The following RSU1 variants were observed in gnomAD, a reference collection of about 807,000 sequenced individuals.
RSU1 encodes the protein Ras suppressor protein 1.
In RSU1, 26 loss-of-function variants were observed where a neutral mutation model predicts 31.1. The ratio of observed to expected loss-of-function variants is 0.84; its 90% CI spans 0.61 to 1.16. The LOEUF (loss-of-function observed/expected upper bound fraction) is 1.16, where lower values mean the gene tolerates loss of function less well. RSU1 is among the 50% of genes most tolerant of loss of function. The pLI is 0.00. For synonymous variants in RSU1, 164 were observed against 136.3 expected (o/e 1.20, Z -1.41); for missense variants, 320 against 339.1 (o/e 0.94, Z 0.44).
intron 8 of RSU1, among the ~76,000 whole-genome samples, chr10:16,669,759 C>G (rs1315869269): frequency 6.6e-6 from 1 of 152,172 alleles, no homozygotes; most frequent in Non-Finnish European, 1.5e-5. Context: ...GACATGATCT[C>G]ATTCCTATAT....
chr10:16,779,798 T>C (rs1837612232), intron 3 of RSU1, among the ~76,000 whole-genome samples: 1 of 152,200 alleles, frequency 6.6e-6, no homozygotes, highest in African/African-American at 2.4e-5. Flanking sequence ...AATGGACATA[T>C]TTACTATAAA....
intron 8 of RSU1, among the ~76,000 whole-genome samples, chr10:16,635,511 C>T (rs1834330711): frequency 6.6e-6 from 1 of 152,212 alleles, no homozygotes; most frequent in Non-Finnish European, 1.5e-5. Flanking sequence ...ATACATTCTG[C>T]CTTTTCCCCT....
In RSU1 at chr10:16,594,943, C is replaced by A. The variant is rs545423296; in HGVS notation, c.732-1447G>T. ...GGGCTTACAGGCATGCACCACCATG[C>A]CCAGCTAATTTCATATTTTTAGTAG... On this transcript the variant is annotated intron_variant, in intron 8 of 8. Transcript: ENST00000345264. Among the ~76,000 whole-genome samples, 102 of 151,806 alleles carry A rather than the reference C, an allele frequency of 6.7e-4. 2 individuals are homozygous for A. The South Asian group carries it at 0.021, about 32-fold the overall frequency.
intron 7 of RSU1, among the ~76,000 whole-genome samples, chr10:16,703,481 G>T (rs892949545): frequency 6.6e-6 from 1 of 152,156 alleles, no homozygotes; most frequent in African/African-American, 2.4e-5. Context: ...TATTAACAAT[G>T]ATTTATGAAT....
chr10:16,752,969 G>T lies in RSU1; in HGVS notation c.432C>A (p.Asn144Lys). The change falls in exon 6 of 9, where the codon AAC becomes AAA. Residue 144 changes from asparagine to lysine, a missense_variant. Coordinates refer to ENST00000345264, the MANE Select transcript of RSU1 (RefSeq NM_012425.4). ...TATCTGGCGGCAGGATTTCAAAATCGTTGTCACTTAGATAGAGTGCACGCA... is the reference window on the plus strand; with the variant it reads ...TATCTGGCGGCAGGATTTCAAAATCTTTGTCACTTAGATAGAGTGCACGCA... ...TTLRALYLSD[N>K]DFEILPPDIG... 1 of 1,613,898 alleles carries T rather than the reference G, an allele frequency of 6.2e-7. No individual in the cohort carries two copies. The highest frequency in any genetic ancestry group is 8.5e-7 in the Non-Finnish European group (1 of 1,179,858).
intron 5 of RSU1, among the ~76,000 whole-genome samples, chr10:16,753,510 C>T (rs1004046085): frequency 6.6e-6 from 1 of 152,176 alleles, no homozygotes; most frequent in African/African-American, 2.4e-5. Flanking sequence ...CACAGCTCAT[C>T]AGTTCCATAA....
chr10:16,800,391 G>A (rs74611838), intron 2 of RSU1, among the ~76,000 whole-genome samples: 7,898 of 152,258 alleles, frequency 0.052, 252 homozygotes, highest in African/African-American at 0.094. Flanking sequence ...CAAAATCCCT[G>A]AGAGAATTGA....
At chr10:16,725,117 T>C (rs1037398805) in intron 7 of RSU1, among the ~76,000 whole-genome samples, 6 of 152,228 alleles carry the variant, frequency 3.9e-5, no homozygotes, top group African/African-American at 1.4e-4. Context: ...GGCATGTTGA[T>C]CATTCGCTGA....
chr10:16,781,187 C>G (rs951720404), intron 3 of RSU1, among the ~76,000 whole-genome samples: 3 of 152,206 alleles, frequency 2.0e-5, no homozygotes, highest in Non-Finnish European at 2.9e-5. Flanking sequence ...GCAAAAAGAA[C>G]TGAGTCATTA....
At chr10:16,607,199 T>C (rs143875243) in intron 8 of RSU1, among the ~76,000 whole-genome samples, 3 of 152,276 alleles carry the variant, frequency 2.0e-5, no homozygotes, top group East Asian at 1.9e-4. Context: ...GGCTCTGCCA[T>C]GTGTGCCTGC....
chr10:16,705,801 T>G (rs905597743), intron 7 of RSU1, among the ~76,000 whole-genome samples: 1 of 152,138 alleles, frequency 6.6e-6, no homozygotes, highest in African/African-American at 2.4e-5. Flanking sequence ...CCACACATTG[T>G]ATTTATTTAT....
intron 7 of RSU1, among the ~76,000 whole-genome samples, chr10:16,738,455 A>G (rs1386807072): frequency 6.6e-6 from 1 of 152,218 alleles, no homozygotes; most frequent in African/African-American, 2.4e-5. Flanking sequence ...TGTCTCAAAA[A>G]AAAAGAAGAA....
chr10:16,724,643 C>CT (rs754911327), intron 7 of RSU1, among the ~76,000 whole-genome samples: 1 of 152,150 alleles, frequency 6.6e-6, no homozygotes, highest in Non-Finnish European at 1.5e-5. Context: ...CGAACAGTGA[C>CT]TTTACTGTCC....
At chr10:16,681,414 T>C (rs1270629170) in intron 8 of RSU1, among the ~76,000 whole-genome samples, 1 of 151,996 alleles carries the variant, frequency 6.6e-6, no homozygotes, top group Non-Finnish European at 1.5e-5. Flanking sequence ...CCATAAAATA[T>C]GGAATAAAAA....
chr10:16,674,841 T>C (rs1192046177), intron 8 of RSU1, among the ~76,000 whole-genome samples: 5 of 152,074 alleles, frequency 3.3e-5, no homozygotes, highest in Admixed American at 3.3e-4. Context: ...GAGACCAGCC[T>C]GGCTAACACA....
At chr10:16,627,423 G>T (rs1354241116) in intron 8 of RSU1, among the ~76,000 whole-genome samples, 1 of 152,186 alleles carries the variant, frequency 6.6e-6, no homozygotes, top group African/African-American at 2.4e-5. Flanking sequence ...GGATCTGAGA[G>T]GTTGCAGAAT....
At chr10:16,759,915 G>C (rs1417711521) in intron 4 of RSU1, among the ~76,000 whole-genome samples, 2 of 152,080 alleles carry the variant, frequency 1.3e-5, no homozygotes, top group Admixed American at 1.3e-4. Flanking sequence ...TCTCCACTTT[G>C]TGATCTCCTG....
chr10:16,654,432 G>C (rs905760265), intron 8 of RSU1, among the ~76,000 whole-genome samples: 1 of 150,838 alleles, frequency 6.6e-6, no homozygotes, highest in African/African-American at 2.4e-5. Context: ...CACTTTGGGA[G>C]GCTGAGGTGG....
intron 7 of RSU1, among the ~76,000 whole-genome samples, chr10:16,719,306 T>A (rs936824606): frequency 1.3e-5 from 2 of 152,088 alleles, no homozygotes; most frequent in African/African-American, 4.8e-5. Context: ...AAACTCCATC[T>A]CAAAAACAAA....
Sources: allele counts gnomAD v4.1 joint callset (sites outside exome capture counted in the v4.1 genomes callset), GRCh38; gene constraint gnomAD v4.1.1; transcripts MANE v1.5; gene names NCBI Gene and HGNC (gene_info 2026-07-23, HGNC 2026-07-21).